The following BAIAP2L1 variants were observed in gnomAD, a reference collection of about 807,000 sequenced individuals.
BAIAP2L1 encodes BAR/IMD domain-containing adapter protein 2-like 1.
In BAIAP2L1, 35 loss-of-function variants were observed where a neutral mutation model predicts 66.3. The ratio of observed to expected loss-of-function variants is 0.53; its 90% CI spans 0.40 to 0.70. BAIAP2L1 has a LOEUF of 0.70. Among genes scored for constraint, BAIAP2L1 ranks in the 30% least tolerant of loss-of-function variants. BAIAP2L1 has a pLI of 0.00. For synonymous variants in BAIAP2L1, 269 were observed against 248.7 expected, an observed-to-expected ratio of 1.08 and a Z score of -0.77; for missense variants, 622 against 656.9, an observed-to-expected ratio of 0.95 and a Z score of 0.58.
At chr7:98,327,475 A>AC (rs1226435701) in intron 3 of BAIAP2L1, among the ~76,000 whole-genome samples, 2 of 152,102 alleles carry the variant, frequency 1.3e-5, no homozygotes, top group Non-Finnish European at 2.9e-5. Context: ...GGTGTTTGAG[A>AC]CCAGCCTGGC....
At chr7:98,385,452 G>C (rs1487204668) in intron 1 of BAIAP2L1, among the ~76,000 whole-genome samples, 1 of 152,030 alleles carries the variant, frequency 6.6e-6, no homozygotes, top group African/African-American at 2.4e-5. Context: ...ACAGGTTCTT[G>C]CTGTGTTGCC....
chr7:98,356,584 C>A (rs943775714), intron 2 of BAIAP2L1, among the ~76,000 whole-genome samples: 3 of 150,216 alleles, frequency 2.0e-5, no homozygotes, highest in Non-Finnish European at 4.4e-5. Flanking sequence ...GCAGCCTTGA[C>A]CTCCTGGGCT....
chr7:98,352,529 T>C (rs1802022294), intron 3 of BAIAP2L1, among the ~76,000 whole-genome samples: 1 of 152,026 alleles, frequency 6.6e-6, no homozygotes, highest in African/African-American at 2.4e-5. Flanking sequence ...GTAATCCCAG[T>C]TGCTCAGAAG....
chr7:98,341,518 T>TA (rs1259097136), intron 3 of BAIAP2L1, among the ~76,000 whole-genome samples: 3 of 151,990 alleles, frequency 2.0e-5, no homozygotes, highest in Non-Finnish European at 2.9e-5. Flanking sequence ...CCCCCATCTC[T>TA]AAAAAAAATT....
At chr7:98,358,391 T>C (rs1256686172) in intron 2 of BAIAP2L1, among the ~76,000 whole-genome samples, 1 of 151,896 alleles carries the variant, frequency 6.6e-6, no homozygotes, top group Non-Finnish European at 1.5e-5. Context: ...AGCGTCTCAC[T>C]CTGTTGCCCA....
intron 1 of BAIAP2L1, among the ~76,000 whole-genome samples, chr7:98,368,653 T>G (rs1470266856): frequency 1.1e-4 from 17 of 152,138 alleles, no homozygotes; most frequent in Non-Finnish European, 2.9e-5. Flanking sequence ...ATCGCACCAC[T>G]GCACTCTAGC....
At chr7:98,370,372 CAAAAA>C (rs397890051) in intron 1 of BAIAP2L1, among the ~76,000 whole-genome samples, 2 of 103,370 alleles carry the variant, frequency 1.9e-5, no homozygotes, top group South Asian at 3.8e-4. Context: ...GGCTCCGTCT[CAAAAA>C]AAAAAAAAAA....
At chr7:98,358,389 A>T (rs532038547) in intron 2 of BAIAP2L1, among the ~76,000 whole-genome samples, 83 of 151,536 alleles carry the variant, frequency 5.5e-4, no homozygotes, top group Non-Finnish European at 1.0e-3. Context: ...TCAGCGTCTC[A>T]CTCTGTTGCC....
chr7:98,373,075 TCTTC>T (rs1004937399), intron 1 of BAIAP2L1, among the ~76,000 whole-genome samples: 2 of 152,206 alleles, frequency 1.3e-5, no homozygotes, highest in African/African-American at 2.4e-5. Context: ...CTTGCTTCCT[TCTTC>T]CTTAAGTGTT....
chr7:98,308,151 C>G (rs777381442), intron 9 of BAIAP2L1: 1 of 624,456 alleles, frequency 1.6e-6, no homozygotes, highest in East Asian at 3.4e-5. Context: ...GGCTCTTTTC[C>G]AGGCCCAAGG....
chr7:98,320,621 C>T (rs1484718448), intron 3 of BAIAP2L1, among the ~76,000 whole-genome samples: 2 of 152,078 alleles, frequency 1.3e-5, no homozygotes, highest in African/African-American at 2.4e-5. Flanking sequence ...AGGTGTGAGC[C>T]GCCGCGCCAG....
chr7:98,303,781 C>T (rs980834861), intron 12 of BAIAP2L1, among the ~76,000 whole-genome samples: 3 of 152,156 alleles, frequency 2.0e-5, no homozygotes, highest in Non-Finnish European at 2.9e-5. Context: ...TCCACAGTGC[C>T]TGGGAGTAAA....
At position 98,312,145 on chromosome 7, in the gene BAIAP2L1, G is replaced by A. The variant is rs1015173886; in HGVS notation, c.759C>T (p.Pro253=). Residue 253 remains proline (P), a synonymous_variant, in exon 8 of 14, where the codon CCC becomes CCT. Coordinates refer to ENST00000005260, the MANE Select transcript of BAIAP2L1 (RefSeq NM_018842.5). ...GTGAAGCCTGAGGAGTTCCAGACAC[G>A]GGGGTAGAGGCTGGGGTCTTTATTT... The part of the protein sequence containing the change: ...IEEIKTPAST[P]VSGTPQASPM... The A allele has an allele frequency of 9.9e-6, 16 of 1,613,912 alleles. No individual in the cohort carries two copies. Among genetic ancestry groups the A allele is most frequent in the Non-Finnish European group, 1.3e-5 (15 of 1,179,914 alleles).
At chr7:98,355,771 GA>G (rs1276144428) in intron 2 of BAIAP2L1, among the ~76,000 whole-genome samples, 5 of 152,058 alleles carry the variant, frequency 3.3e-5, no homozygotes, top group East Asian at 3.9e-4. Context: ...TCTCCAGCCA[GA>G]AATCTTTTCT....
chr7:98,310,661 C>CT, intron 8 of BAIAP2L1, 69 bp from the exon 9 acceptor site: 1 of 1,252,830 alleles, frequency 8.0e-7, no homozygotes, highest in South Asian at 1.8e-5. Context: ...ATTCCCAAGG[C>CT]TGTTTTTTTT....
intron 1 of BAIAP2L1, among the ~76,000 whole-genome samples, chr7:98,381,931 T>TG (rs1802770057): frequency 6.6e-6 from 1 of 150,414 alleles, no homozygotes; most frequent in Non-Finnish European, 1.5e-5. Flanking sequence ...TCTAAGGGTT[T>TG]TTTTTTTTTT....
intron 3 of BAIAP2L1, chr7:98,323,158 T>G (rs1386228317): frequency 2.0e-5 from 3 of 152,212 alleles, no homozygotes; most frequent in Non-Finnish European, 4.4e-5. Flanking sequence ...GAACGGGGCA[T>G]GAGAAAACCG....
intron 3 of BAIAP2L1, among the ~76,000 whole-genome samples, chr7:98,330,089 T>C (rs1486985240): frequency 1.3e-5 from 2 of 152,236 alleles, no homozygotes; most frequent in Non-Finnish European, 2.9e-5. Context: ...AAGGCTCATC[T>C]ACCTCAGTTC....
chr7:98,369,532 TAAG>T (rs1181434949), intron 1 of BAIAP2L1, among the ~76,000 whole-genome samples: 4 of 152,144 alleles, frequency 2.6e-5, no homozygotes, highest in Admixed American at 6.6e-5. Flanking sequence ...GGTAAAAATA[TAAG>T]AAAACTGACA....
Sources: gnomAD v4.1 joint callset for allele counts (sites outside exome capture counted in the v4.1 genomes callset) on GRCh38, gnomAD v4.1.1 for gene constraint, MANE v1.5 for transcripts, NCBI Gene and HGNC (gene_info 2026-07-23, HGNC 2026-07-21) for gene names.